GDPD1: variants seen among roughly 807,000 people sequenced by gnomAD.
GDPD1 encodes the protein lysophospholipase D GDPD1.
In GDPD1, 28 loss-of-function variants were observed where a neutral mutation model predicts 45.1. The observed-to-expected ratio is 0.62, with a 90% confidence interval of 0.46 to 0.85. The LOEUF (loss-of-function observed/expected upper bound fraction) is 0.85, where lower values mean the gene tolerates loss of function less well. Ranked by LOEUF, GDPD1 falls within the 40% of genes least tolerant of loss-of-function variation. GDPD1 has a pLI of 0.00. For missense variants in GDPD1, 256 were observed against 364.8 expected (o/e 0.70, Z 2.43); for synonymous variants, 139 against 131.4 (o/e 1.06, Z -0.40).
Position 59,222,836 on chromosome 17 carries a change from T to C in GDPD1, c.142+2085T>C, listed in dbSNP as rs139432594. Among the ~76,000 whole-genome samples the C allele has an allele frequency of 1.9e-3, 283 of 152,278 alleles. 1 individual carries two copies. Among genetic ancestry groups the C allele is most frequent in the Admixed American group, 4.0e-3 (61 of 15,278 alleles). On this transcript the variant is annotated intron_variant, in intron 1 of 9. Coordinates refer to ENST00000284116, the MANE Select transcript of GDPD1 (RefSeq NM_182569.4). ...TGCCAGAGGCAATTTTCAATGATAG[T>C]AGTCCTATTCTGGGGATAGGCAGTA...
chr17:59,227,813 T>C (rs1286581519), intron 1 of GDPD1, among the ~76,000 whole-genome samples: 1 of 152,232 alleles, frequency 6.6e-6, no homozygotes, highest in East Asian at 1.9e-4. Flanking sequence ...CTGTTCATTA[T>C]ACAGCATTAA....
intron 2 of GDPD1, among the ~76,000 whole-genome samples, chr17:59,238,154 G>A (rs910103888): frequency 2.0e-5 from 3 of 150,346 alleles, no homozygotes; most frequent in Non-Finnish European, 4.4e-5. Flanking sequence ...TGTAATCCCA[G>A]CTACTTGGGA....
chr17:59,226,380 A>G (rs959421589), intron 1 of GDPD1, among the ~76,000 whole-genome samples: 1 of 152,024 alleles, frequency 6.6e-6, no homozygotes, highest in Admixed American at 6.6e-5. Flanking sequence ...TATTTACTGC[A>G]TCTGTTTTCT....
chr17:59,256,221 G>A (rs2047308173), intron 4 of GDPD1, among the ~76,000 whole-genome samples: 1 of 151,950 alleles, frequency 6.6e-6, no homozygotes, highest in African/African-American at 2.4e-5. Context: ...GGAGGTCAAG[G>A]TGGGAGGATC....
chr17:59,220,541 C>T lies in GDPD1; in HGVS notation c.-69C>T. On this transcript the variant is annotated 5_prime_UTR_variant, in exon 1 of 10. Coordinates refer to ENST00000284116, the MANE Select transcript of GDPD1 (RefSeq NM_182569.4). ...GACCTCGAGCAGCCGCCGCCGCCGC[C>T]GTCGTTGCTACTGCCGCAGCGGAGT... 2.0e-6 allele frequency: 3 copies of T among 1,536,896 alleles called. No individual in the cohort carries two copies. The highest frequency in any genetic ancestry group is 1.2e-5 in the South Asian group (1 of 84,744).
At chr17:59,246,417 G>A (rs907242885) in intron 3 of GDPD1, among the ~76,000 whole-genome samples, 2 of 151,820 alleles carry the variant, frequency 1.3e-5, no homozygotes, top group African/African-American at 4.8e-5. Flanking sequence ...TCAGGAGTTC[G>A]AGACTAGCCT....
chr17:59,242,696 C>T (rs1161178781), intron 2 of GDPD1, among the ~76,000 whole-genome samples: 1 of 152,166 alleles, frequency 6.6e-6, no homozygotes, highest in Non-Finnish European at 1.5e-5. Flanking sequence ...GGCACACAGA[C>T]ACATTCAAAG....
At chr17:59,264,190 G>A (rs1229172663) in intron 6 of GDPD1, among the ~76,000 whole-genome samples, 1 of 151,672 alleles carries the variant, frequency 6.6e-6, no homozygotes, top group Non-Finnish European at 1.5e-5. Context: ...AGTAGAGACC[G>A]GGTTTCTCCA....
intron 2 of GDPD1, among the ~76,000 whole-genome samples, chr17:59,241,559 T>A (rs969517565): frequency 2.0e-5 from 3 of 151,998 alleles, no homozygotes; most frequent in Admixed American, 6.5e-5. Context: ...CCTCAGGTGA[T>A]CTGCCGCCTT....
At chr17:59,238,976 T>A (rs2047155615) in intron 2 of GDPD1, among the ~76,000 whole-genome samples, 1 of 152,132 alleles carries the variant, frequency 6.6e-6, no homozygotes, top group Admixed American at 6.5e-5. Context: ...GTATGTAAGA[T>A]GTGGTTCTCA....
At position 59,220,745 on chromosome 17, in the gene GDPD1, C is replaced by G; in HGVS notation, c.136C>G (p.Arg46Gly). ...QRFLSKHISH[R>G]GGAGENLENT... is the part of the protein sequence containing the mutation. ...ATTCCTCAGTAAACACATCTCTCAC[C>G]GCGGAGGTGAGAGGGGTCCCCAGAA... The change falls in exon 1 of 10, where the codon CGC (arginine) becomes GGC (glycine). Residue 46 changes from arginine (R) to glycine (G), a missense_variant. Physicochemically the swap from Arg to Gly is moderately radical, Grantham distance 125. Transcript: ENST00000284116. 6.2e-7 allele frequency: 1 copy of G among 1,612,684 alleles called. No individual in the cohort carries two copies. Among genetic ancestry groups the G allele is most frequent in the Non-Finnish European group, 8.5e-7 (1 of 1,179,818 alleles).
At chr17:59,234,582 C>T (rs1004047124) in intron 2 of GDPD1, 48 bp downstream of exon 2, 2 of 1,273,494 alleles carry the variant, frequency 1.6e-6, no homozygotes, top group Non-Finnish European at 2.3e-6. Flanking sequence ...TTACAGTTTG[C>T]AGGCTTTCTT....
intron 7 of GDPD1, among the ~76,000 whole-genome samples, chr17:59,268,592 A>AAAG (rs1555725447): frequency 6.8e-6 from 1 of 146,568 alleles, no homozygotes; most frequent in Non-Finnish European, 1.5e-5. Flanking sequence ...AAAAAAAAAA[A>AAAG]AAAAAAAAAA....
intron 1 of GDPD1, among the ~76,000 whole-genome samples, chr17:59,234,235 C>CA (rs957275690): frequency 6.6e-6 from 1 of 151,916 alleles, no homozygotes; most frequent in Non-Finnish European, 1.5e-5. Context: ...CCTGTAGTCC[C>CA]AGCTGCTCAG....
chr17:59,236,546 A>G (rs143636647), intron 2 of GDPD1, among the ~76,000 whole-genome samples: 3,659 of 152,078 alleles, frequency 0.024, 152 homozygotes, highest in African/African-American at 0.084. Context: ...CCCAGGCTGG[A>G]GTGCAATGGC....
At chr17:59,254,943 T>G (rs1335540097) in intron 4 of GDPD1, among the ~76,000 whole-genome samples, 1 of 152,182 alleles carries the variant, frequency 6.6e-6, no homozygotes, top group African/African-American at 2.4e-5. Context: ...GTCATATATT[T>G]AGTCTGTGGT....
intron 1 of GDPD1, among the ~76,000 whole-genome samples, chr17:59,227,247 C>T (rs1052578569): frequency 1.3e-5 from 2 of 151,492 alleles, no homozygotes; most frequent in East Asian, 2.0e-4. Context: ...GTTGAAACCC[C>T]GTCTCTACTA....
chr17:59,229,761 A>C (rs2047075129), intron 1 of GDPD1, among the ~76,000 whole-genome samples: 1 of 152,184 alleles, frequency 6.6e-6, no homozygotes, highest in Non-Finnish European at 1.5e-5. Flanking sequence ...CACACGGCTT[A>C]TTCAGCGTCC....
In GDPD1 at chr17:59,244,702, G is replaced by T. The variant is rs574185367; in HGVS notation, c.186-712G>T. 5.6e-4 allele frequency among the ~76,000 whole-genome samples: 85 copies of T among 152,188 alleles called. 1 individual carries two copies. The highest frequency in any genetic ancestry group is 1.9e-3 in the African/African-American group (81 of 41,540). ...GCTTTCAATACTATGTTAAATCAAAGTAATAAAAGTGGCCAGGTGCAGTGG... is the reference window on the plus strand; with the variant it reads ...GCTTTCAATACTATGTTAAATCAAATTAATAAAAGTGGCCAGGTGCAGTGG... On this transcript the variant is annotated intron_variant, in intron 2 of 9. Transcript: ENST00000284116.
Sources: gnomAD v4.1 joint callset for allele counts (sites outside exome capture counted in the v4.1 genomes callset) on GRCh38, gnomAD v4.1.1 for gene constraint, MANE v1.5 for transcripts, NCBI Gene and HGNC (gene_info 2026-07-23, HGNC 2026-07-21) for gene names.